SOX5: variants seen among roughly 807,000 people sequenced by gnomAD.
SOX5 encodes the protein SRY-box transcription factor 5.
A neutral mutation model predicts 92.0 loss-of-function variants in SOX5; 9 were observed. The observed-to-expected ratio is 0.10, with a 90% CI of 0.06 to 0.17. The LOEUF (loss-of-function observed/expected upper bound fraction) is 0.17. Among genes scored for constraint, SOX5 ranks in the 10% least tolerant of loss-of-function variants. SOX5 has a pLI of 1.00. For missense variants in SOX5, 642 were observed against 944.5 expected, an observed-to-expected ratio of 0.68 and a Z score of 4.20; for synonymous variants, 344 against 336.3, an observed-to-expected ratio of 1.02 and a Z score of -0.25.
intron 1 of SOX5, among the ~76,000 whole-genome samples, chr12:23,940,127 C>T (rs1479818838): frequency 6.6e-6 from 1 of 151,092 alleles, no homozygotes; most frequent in African/African-American, 2.4e-5. Context: ...CATATTTCCC[C>T]ATAGTGTCTT....
At chr12:24,341,331 A>G (rs1952551540) in intron 2 of SOX5, among the ~76,000 whole-genome samples, 1 of 151,972 alleles carries the variant, frequency 6.6e-6, no homozygotes, top group Non-Finnish European at 1.5e-5. Flanking sequence ...TTTTAAAATT[A>G]GCCAGGCATG....
chr12:23,810,516 A>G (rs1567960376), intron 3 of SOX5, among the ~76,000 whole-genome samples: 1 of 152,166 alleles, frequency 6.6e-6, no homozygotes. Flanking sequence ...ATTAATTTAA[A>G]TGCACTGAAA....
At chr12:24,456,171 C>A (rs891025217) in intron 1 of SOX5, among the ~76,000 whole-genome samples, 1 of 152,174 alleles carries the variant, frequency 6.6e-6, no homozygotes. Context: ...TCAACTTTTC[C>A]TCTTTTGTAA....
intron 9 of SOX5, among the ~76,000 whole-genome samples, chr12:23,601,147 G>T (rs2074443559): frequency 6.6e-6 from 1 of 151,970 alleles, no homozygotes. Flanking sequence ...CCACCAACTG[G>T]CACACAGCAG....
intron 6 of SOX5, among the ~76,000 whole-genome samples, chr12:23,707,930 A>AGCCTTTAT (rs2091605887): frequency 6.6e-6 from 1 of 152,134 alleles, no homozygotes; most frequent in Non-Finnish European, 1.5e-5. Flanking sequence ...CGGAAAGCTG[A>AGCCTTTAT]GGATTTTTAA....
rs575842979 is a variant in SOX5, at chr12:23,558,791, C to G, written c.1488+4467G>C. The stretch of plus-strand genomic sequence containing the variant: ...CTAATTTTGTATTTTTTAGTAGAGA[C>G]GGGGTTTCTCCGTATTGGTCAGGCT... On this transcript the variant is annotated intron_variant, in intron 11 of 14. Transcript: ENST00000451604. 3.9e-5 allele frequency among the ~76,000 whole-genome samples: 6 copies of G among 152,182 alleles called. No homozygotes were observed. In the South Asian group the frequency reaches 1.2e-3, roughly 32 times the overall value.
At chr12:24,047,735 C>T (rs1474071407) in intron 4 of SOX5, among the ~76,000 whole-genome samples, 1 of 152,156 alleles carries the variant, frequency 6.6e-6, no homozygotes. Flanking sequence ...ACTGCCTTTA[C>T]CTGTCAATTT....
intron 4 of SOX5, among the ~76,000 whole-genome samples, chr12:24,078,503 T>G (rs1942930895): frequency 6.6e-6 from 1 of 152,074 alleles, no homozygotes. Flanking sequence ...TGTTTAGACT[T>G]TAGCCTGTAG....
intron 1 of SOX5, among the ~76,000 whole-genome samples, chr12:24,532,239 G>A (rs976001828): frequency 2.0e-5 from 3 of 152,120 alleles, no homozygotes; most frequent in African/African-American, 4.8e-5. Flanking sequence ...AGGTTTGGGT[G>A]GGTACCTGGC....
At chr12:24,147,898 A>G (rs892234532) in intron 4 of SOX5, among the ~76,000 whole-genome samples, 1 of 152,206 alleles carries the variant, frequency 6.6e-6, no homozygotes, top group African/African-American at 2.4e-5. Context: ...AAGAAATTAA[A>G]GAAGGTCTAC....
Position 23,829,703 on chromosome 12 carries a change from C to T in SOX5, c.481+16280G>A, listed in dbSNP as rs75949569. Among the ~76,000 whole-genome samples, 1,097 of 152,198 alleles carry T rather than the reference C, an allele frequency of 7.2e-3. 24 individuals are homozygous for T. The highest frequency in any genetic ancestry group is 0.071 in the East Asian group (366 of 5,166). On this transcript the variant is annotated intron_variant, in intron 3 of 14. Transcript: ENST00000451604. ...TTGGGTAAAGAGAGGTTTGGAATGA[C>T]TTACATAGACCTGATAGTAGACAAA...
chr12:24,476,837 G>C (rs1483723794), intron 1 of SOX5, among the ~76,000 whole-genome samples: 1 of 151,960 alleles, frequency 6.6e-6, no homozygotes, highest in Admixed American at 6.6e-5. Context: ...AAGTGATACT[G>C]AAGAACTAGT....
At chr12:24,038,177 C>T (rs939564094) in intron 4 of SOX5, among the ~76,000 whole-genome samples, 1 of 152,018 alleles carries the variant, frequency 6.6e-6, no homozygotes, top group Non-Finnish European at 1.5e-5. Flanking sequence ...CCAAATAAAC[C>T]TTTCTTCCAG....
At chr12:23,766,674 C>T (rs900769417) in intron 3 of SOX5, among the ~76,000 whole-genome samples, 1 of 152,058 alleles carries the variant, frequency 6.6e-6, no homozygotes, top group Admixed American at 6.5e-5. Context: ...TAACACCACA[C>T]TATCATGAAT....
rs147010053 is a variant in SOX5, at chr12:24,261,246, A to G, written c.-77+15970T>C. On this transcript the variant is annotated intron_variant, in intron 3 of 4. Transcript: ENST00000446891. ...ACTTTCATTATTCACCCTTTGTAGT[A>G]CTCCAGTCAATGTGACTAAAATTTT... is the stretch of plus-strand genomic sequence containing the variant. Among the ~76,000 whole-genome samples the G allele has an allele frequency of 2.5e-3, 383 of 152,208 alleles. 2 individuals are homozygous for G. Among genetic ancestry groups the G allele is most frequent in the African/African-American group, 8.7e-3 (362 of 41,526 alleles).
At chr12:23,921,642 C>G (rs1485926882) in intron 1 of SOX5, among the ~76,000 whole-genome samples, 1 of 152,092 alleles carries the variant, frequency 6.6e-6, no homozygotes, top group East Asian at 1.9e-4. Context: ...GAGGTAGAAA[C>G]AAAAAATATT....
chr12:23,786,146 G>A (rs35379162), intron 3 of SOX5, among the ~76,000 whole-genome samples: 19,974 of 151,876 alleles, frequency 0.13, 1,463 homozygotes, highest in Non-Finnish European at 0.17. Context: ...CCTAAGGATA[G>A]TGAAGTTTTG....
intron 4 of SOX5, among the ~76,000 whole-genome samples, chr12:23,979,707 G>GTTTTTTTTTT (rs1177945407): frequency 6.5e-5 from 5 of 77,500 alleles, no homozygotes; most frequent in Non-Finnish European, 6.7e-5. Flanking sequence ...TGTTTTTTTT[G>GTTTTTTTTTT]TTTTTTTTTT....
intron 4 of SOX5, among the ~76,000 whole-genome samples, chr12:23,977,552 A>T (rs183116889): frequency 1.7e-3 from 251 of 152,110 alleles, no homozygotes; most frequent in African/African-American, 5.8e-3. Flanking sequence ...TATCCCAGCT[A>T]CTTGGGAGGC....
Sources: allele counts gnomAD v4.1 joint callset (sites outside exome capture counted in the v4.1 genomes callset), GRCh38; gene constraint gnomAD v4.1.1; transcripts MANE v1.5; gene names NCBI Gene and HGNC (gene_info 2026-07-23, HGNC 2026-07-21).